PNLIPRP1: variants seen among roughly 807,000 people sequenced by gnomAD.
The protein encoded by PNLIPRP1 is pancreatic lipase related protein 1, also known as inactive pancreatic lipase-related protein 1.
A neutral mutation model predicts 54.6 loss-of-function variants in PNLIPRP1; 57 were observed. That is an observed-to-expected ratio of 1.04 (90% CI 0.84 to 1.30). PNLIPRP1 has a LOEUF of 1.30. Ranked by LOEUF, PNLIPRP1 falls within the 50% of genes most tolerant of loss-of-function variation. The pLI is 0.00. For missense variants in PNLIPRP1, 567 were observed against 568.5 expected (o/e 1.00, Z 0.03); for synonymous variants, 232 against 208.8 (o/e 1.11, Z -0.96).
rs782642459 is a variant in PNLIPRP1, at chr10:116,600,933, G to A, written c.934-139G>A. On this transcript the variant is annotated intron_variant, in intron 9 of 12. Transcript: ENST00000358834. ...CCCTGATCCAGATGAAGGTAATTTAGAGATCATCTGCTCCAACCCCTTTGT... is the reference window on the plus strand; with the variant it reads ...CCCTGATCCAGATGAAGGTAATTTAAAGATCATCTGCTCCAACCCCTTTGT... 21 of 686,088 alleles carry A rather than the reference G, an allele frequency of 3.1e-5. No homozygotes were observed. In the Admixed American group the frequency reaches 3.4e-4, roughly 11 times the overall value. 42.5% of individuals were successfully genotyped at this position (686,088 alleles called of 1,614,324 possible).
chr10:116,603,705 C>G (rs1847887941), intron 10 of PNLIPRP1, among the ~76,000 whole-genome samples: 1 of 152,104 alleles, frequency 6.6e-6, no homozygotes, highest in South Asian at 2.1e-4. Flanking sequence ...CCAGCTTGAC[C>G]AACATGGCGA....
chr10:116,598,858 G>A (rs539313173), intron 8 of PNLIPRP1, among the ~76,000 whole-genome samples: 2 of 152,284 alleles, frequency 1.3e-5, no homozygotes, highest in African/African-American at 2.4e-5. Context: ...GGCACCACAC[G>A]GAGAAAACCC....
At position 116,602,076 on chromosome 10, in the gene PNLIPRP1, C is replaced by T. The variant is rs1044700253; in HGVS notation, c.1063+875C>T. ...TGTCGCCCAGGCTGGAGTGCAGAGG[C>T]GCAATCTTGGCTCACTACAACCTCC... On this transcript the variant is annotated intron_variant, in intron 10 of 12. Transcript: ENST00000358834. Among the ~76,000 whole-genome samples, 5 of 148,724 alleles carry T rather than the reference C, an allele frequency of 3.4e-5. No homozygotes were observed. In the South Asian group the frequency reaches 6.4e-4, roughly 19 times the overall value.
chr10:116,595,719 T>C (rs1251847207), intron 5 of PNLIPRP1: 1 of 153,644 alleles, frequency 6.5e-6, no homozygotes, highest in Non-Finnish European at 1.4e-5. Flanking sequence ...TCCCAGACCA[T>C]CAAGGAGCTT....
At chr10:116,594,032 G>A (rs1847689954) in intron 4 of PNLIPRP1, 1 of 184,300 alleles carries the variant, frequency 5.4e-6, no homozygotes, top group Non-Finnish European at 1.1e-5. Context: ...CTATCTCTGT[G>A]CATGTGATCA....
chr10:116,605,179 G>T (rs1445928925), intron 11 of PNLIPRP1, among the ~76,000 whole-genome samples: 1 of 152,104 alleles, frequency 6.6e-6, no homozygotes. Flanking sequence ...CTATTAGAAA[G>T]CTTTAAGGAA....
chr10:116,592,548 G>A lies in PNLIPRP1; in HGVS notation c.330+7G>A. The A allele has an allele frequency of 6.2e-7, 1 of 1,614,120 alleles. No individual in the cohort carries two copies. Among genetic ancestry groups the A allele is most frequent in the South Asian group, 1.1e-5 (1 of 91,080 alleles). On this transcript the variant is annotated splice_region_variant and intron_variant, in intron 4 of 12. Transcript: ENST00000358834. ...GGTGACAGACATGTGCAAGGTAGGAGCCAGCTCTGATCCCTGTGGCCAGCT... is the reference window on the plus strand; with the variant it reads ...GGTGACAGACATGTGCAAGGTAGGAACCAGCTCTGATCCCTGTGGCCAGCT...
At chr10:116,605,677 C>T in intron 12 of PNLIPRP1, 124 bp downstream of exon 12, 2 of 577,248 alleles carry the variant, frequency 3.5e-6, no homozygotes, top group Non-Finnish European at 2.9e-6. Flanking sequence ...CCATCTGTGG[C>T]CCCTTCTCCC....
chr10:116,594,684 C>T lies in PNLIPRP1; in HGVS notation c.331-46C>T, dbSNP rs782170404. 9.3e-6 allele frequency: 15 copies of T among 1,611,792 alleles called. No homozygotes were observed. In the Admixed American group the frequency reaches 2.2e-4, roughly 23 times the overall value. ...CTGAGCCCTGGCTGGATAAGGTTTC[C>T]CCTGCTCCCATTATCTCCCCAACCC... is the stretch of plus-strand genomic sequence containing the variant. On this transcript the variant is annotated intron_variant, in intron 4 of 12. Transcript: ENST00000358834.
rs1847929972 is a variant in PNLIPRP1, at chr10:116,605,951, C to T, written c.1340+398C>T. On this transcript the variant is annotated intron_variant, in intron 12 of 12. Coordinates refer to ENST00000358834, the MANE Select transcript of PNLIPRP1 (RefSeq NM_006229.4). Reference sequence around the variant, plus strand: ...AAATAAATCGGTTTTAGGAAAAGATCGAAAATTTTACATAGGACAAGAATG... The same window carrying T: ...AAATAAATCGGTTTTAGGAAAAGATTGAAAATTTTACATAGGACAAGAATG... Among the ~76,000 whole-genome samples, 3 of 152,120 alleles carry T rather than the reference C, an allele frequency of 2.0e-5. No homozygotes were observed. In the South Asian group the frequency reaches 6.2e-4, roughly 32 times the overall value.
At chr10:116,600,796 T>C (rs2133236462) in intron 9 of PNLIPRP1, among the ~76,000 whole-genome samples, 1 of 152,308 alleles carries the variant, frequency 6.6e-6, no homozygotes, top group Non-Finnish European at 1.5e-5. Context: ...CTGCTTATCA[T>C]TCACCAGCTC....
chr10:116,601,203 T>C lies in PNLIPRP1; in HGVS notation c.1063+2T>C. ...CAGGAGAGGCTAGCAATTTCGCTCG[T>C]AAGTTGCACTTTGACTACCTGCCCA... On this transcript the variant is annotated splice_donor_variant, in intron 10 of 12. Coordinates refer to ENST00000358834, the MANE Select transcript of PNLIPRP1 (RefSeq NM_006229.4). LOFTEE classifies it high-confidence loss of function. 1 of 1,611,714 alleles carries C rather than the reference T, an allele frequency of 6.2e-7. No individual in the cohort carries two copies. Among genetic ancestry groups the C allele is most frequent in the Non-Finnish European group, 8.5e-7 (1 of 1,179,288 alleles).
intron 2 of PNLIPRP1, 67 bp downstream of exon 2, chr10:116,591,245 A>G: frequency 7.6e-7 from 1 of 1,314,202 alleles, no homozygotes; most frequent in African/African-American, 1.4e-5. Flanking sequence ...GGCCAGAGAA[A>G]GCTTTAACTG....
In PNLIPRP1 at chr10:116,591,880, C is replaced by T; in HGVS notation, c.159C>T (p.Gly53=). ...KILPWSPEKI[G]TRFLLYTNEN... Reference sequence around the variant, plus strand: ...TCCCCTGGAGCCCTGAGAAGATCGGCACCCGCTTCCTGCTGTACACCAATG... The same window carrying T: ...TCCCCTGGAGCCCTGAGAAGATCGGTACCCGCTTCCTGCTGTACACCAATG... The change falls in exon 3 of 13, where the codon GGC becomes GGT. Residue 53 remains glycine, a synonymous_variant. Coordinates refer to ENST00000358834, the MANE Select transcript of PNLIPRP1 (RefSeq NM_006229.4). The T allele has an allele frequency of 1.9e-6, 3 of 1,614,220 alleles. No homozygotes were observed. The highest frequency in any genetic ancestry group is 2.5e-6 in the Non-Finnish European group (3 of 1,180,050).
At chr10:116,603,433 A>C (rs1454976791) in intron 10 of PNLIPRP1, among the ~76,000 whole-genome samples, 1 of 152,228 alleles carries the variant, frequency 6.6e-6, no homozygotes, top group Non-Finnish European at 1.5e-5. Context: ...ACAGCGAATG[A>C]GTTTGAGAAA....
Position 116,604,112 on chromosome 10 carries a change from A to T in PNLIPRP1, c.1146A>T (p.Gly382=), listed in dbSNP as rs200911545. The T allele has an allele frequency of 1.2e-6, 2 of 1,608,426 alleles. No homozygotes were observed. Among genetic ancestry groups the T allele is most frequent in the East Asian group, 4.5e-5 (2 of 44,836 alleles). Residue 382 remains glycine, a synonymous_variant, in exon 11 of 13, where the codon GGA becomes GGT. Coordinates refer to ENST00000358834, the MANE Select transcript of PNLIPRP1 (RefSeq NM_006229.4). The part of the protein sequence containing the change: ...QIKVALFGNK[G]NTHQYSIFRG... ...AAGTTGCTTTGTTTGGAAATAAGGG[A>T]AACACTCACCAGTACAGTATCTTCA...
chr10:116,595,251 G>C (rs1847715141), intron 5 of PNLIPRP1: 1 of 233,268 alleles, frequency 4.3e-6, no homozygotes, highest in Admixed American at 5.0e-5. Context: ...TGGCCAGAGA[G>C]AGCCACAGAG....
At chr10:116,593,519 A>G (rs782526057) in intron 4 of PNLIPRP1, among the ~76,000 whole-genome samples, 6 of 152,254 alleles carry the variant, frequency 3.9e-5, no homozygotes, top group Non-Finnish European at 8.8e-5. Flanking sequence ...CCAGAAAATT[A>G]AAGTCATTCT....
Position 116,605,422 on chromosome 10 carries a change from G to A in PNLIPRP1, c.1209G>A (p.Glu403=), listed in dbSNP as rs1847920118. The change falls in exon 12 of 13, where the codon GAG becomes GAA. Residue 403 remains glutamate, a synonymous_variant. Transcript: ENST00000358834. ...AACCAGGCTCAACCCATTCCTATGA[G>A]TTTGATGCAAAGCTGGATGTTGGAA... is the stretch of plus-strand genomic sequence containing the variant. The part of the protein sequence containing the change: ...ILKPGSTHSY[E]FDAKLDVGTI... 2 of 1,611,042 alleles carry A rather than the reference G, an allele frequency of 1.2e-6. No individual in the cohort carries two copies. Among genetic ancestry groups the A allele is most frequent in the African/African-American group, 1.3e-5 (1 of 74,982 alleles).
Sources: gnomAD v4.1 joint callset for allele counts (sites outside exome capture counted in the v4.1 genomes callset) on GRCh38, gnomAD v4.1.1 for gene constraint, MANE v1.5 for transcripts, NCBI Gene and HGNC (gene_info 2026-07-23, HGNC 2026-07-21) for gene names.